The following PCDHGA6 variants were observed in gnomAD, a reference collection of about 807,000 sequenced individuals.
PCDHGA6 encodes protocadherin gamma subfamily A, 6.
Under a neutral mutation model 60.6 loss-of-function variants are expected in PCDHGA6, and 41 were observed. The observed-to-expected ratio is 0.68, with a 90% confidence interval of 0.53 to 0.88. PCDHGA6 has a LOEUF of 0.88. PCDHGA6 is among the 40% of genes least tolerant of loss of function. The pLI is 0.00. For synonymous variants in PCDHGA6, 594 were observed against 524.4 expected (o/e 1.13, Z -1.81); for missense variants, 1,312 against 1,203.0 (o/e 1.09, Z -1.34).
At chr5:141,458,787 C>A (rs968490647) in intron 1 of PCDHGA6, among the ~76,000 whole-genome samples, 1 of 152,004 alleles carries the variant, frequency 6.6e-6, no homozygotes, top group African/African-American at 2.4e-5. Flanking sequence ...GGCTGGAGTG[C>A]AGTGGTGTGA....
chr5:141,427,930 T>C, intron 1 of PCDHGA6: 2 of 1,583,398 alleles, frequency 1.3e-6, no homozygotes. Flanking sequence ...CGGCGCATGT[T>C]GGTGGGCGAC....
At chr5:141,509,573 C>G (rs372901649) in intron 3 of PCDHGA6, among the ~76,000 whole-genome samples, 4 of 152,164 alleles carry the variant, frequency 2.6e-5, no homozygotes, top group Admixed American at 2.6e-4. Context: ...CTTCACAGTG[C>G]GTACAAATCA....
At chr5:141,450,770 AG>A (rs1354382498) in intron 1 of PCDHGA6, among the ~76,000 whole-genome samples, 1 of 151,448 alleles carries the variant, frequency 6.6e-6, no homozygotes, top group Non-Finnish European at 1.5e-5. Context: ...TACAGGCATG[AG>A]CCACCGTGCC....
chr5:141,410,518 C>T (rs753664223), intron 1 of PCDHGA6: 1 of 1,613,820 alleles, frequency 6.2e-7, no homozygotes, highest in Non-Finnish European at 8.5e-7. Flanking sequence ...GCAGTGTGCC[C>T]CTACATTCCA....
intron 1 of PCDHGA6, chr5:141,414,054 G>A: frequency 6.2e-7 from 1 of 1,610,250 alleles, no homozygotes; most frequent in Non-Finnish European, 8.5e-7. Flanking sequence ...ACACGCAATT[G>A]TTGAAGTTCC....
At chr5:141,409,872 A>T in intron 1 of PCDHGA6, 1 of 1,612,828 alleles carries the variant, frequency 6.2e-7, no homozygotes. Context: ...GACCGCAATG[A>T]CAACGCACCG....
chr5:141,399,241 T>C, intron 1 of PCDHGA6: 3 of 1,613,950 alleles, frequency 1.9e-6, no homozygotes, highest in South Asian at 1.1e-5. Flanking sequence ...TGACCAAGAT[T>C]CTGGGGAAAA....
chr5:141,414,854 A>C (rs1191943867), intron 1 of PCDHGA6: 3 of 1,614,230 alleles, frequency 1.9e-6, no homozygotes, highest in Non-Finnish European at 2.5e-6. Context: ...CTGGACCAGA[A>C]CGACAATGCG....
In PCDHGA6 at chr5:141,489,750, C is replaced by T. The variant is rs753217170; in HGVS notation, c.2425-5057C>T. On this transcript the variant is annotated intron_variant, in intron 1 of 3. Coordinates refer to ENST00000517434, the MANE Select transcript of PCDHGA6 (RefSeq NM_018919.3). The surrounding 1 kb of genome is among the most constrained non-coding windows in gnomAD (Gnocchi z 4.5). ...TGGGCACCAATACTGTGAGCTTTTA[C>T]ACTCTAAGCCCCAACAGCCACTTCT... 1.2e-6 allele frequency: 2 copies of T among 1,614,098 alleles called. No homozygotes were observed. Among genetic ancestry groups the T allele is most frequent in the Admixed American group, 3.3e-5 (2 of 60,022 alleles).
Position 141,476,013 on chromosome 5 carries a change from G to A in PCDHGA6, c.2425-18794G>A. ...AAATCAACGGCATCCAGAAAGCCAT[G>A]TCGGACTCGGCGCCCAGCGCCCAAG... On this transcript the variant is annotated intron_variant, in intron 1 of 3. Coordinates refer to ENST00000517434, the MANE Select transcript of PCDHGA6 (RefSeq NM_018919.3). The surrounding 1 kb of genome is among the most constrained non-coding windows in gnomAD (Gnocchi z 7.6). The A allele has an allele frequency of 7.5e-7, 1 of 1,334,720 alleles. No individual in the cohort carries two copies. The highest frequency in any genetic ancestry group is 1.0e-6 in the Non-Finnish European group (1 of 983,502). 82.7% of individuals were successfully genotyped at this position (1,334,720 alleles called of 1,614,324 possible). A position where few individuals can be genotyped will look rare whatever the true frequency, so the allele number is the denominator to read the frequency against.
chr5:141,397,039 A>G (rs2093467837), intron 1 of PCDHGA6, among the ~76,000 whole-genome samples: 1 of 152,236 alleles, frequency 6.6e-6, no homozygotes, highest in Non-Finnish European at 1.5e-5. Context: ...CCACAAATTT[A>G]TGTAAATGAA....
chr5:141,423,260 G>A (rs1402237346), intron 1 of PCDHGA6: 2 of 1,613,996 alleles, frequency 1.2e-6, no homozygotes, highest in South Asian at 1.1e-5. Flanking sequence ...GACCTCGGCA[G>A]CCTCGAGTCT....
At chr5:141,461,501 T>G (rs113852528) in intron 1 of PCDHGA6, among the ~76,000 whole-genome samples, 1 of 152,310 alleles carries the variant, frequency 6.6e-6, no homozygotes, top group South Asian at 2.1e-4. Flanking sequence ...TTATTTTTCT[T>G]GGTGATTTGT....
chr5:141,393,071 C>G (rs927273885), intron 1 of PCDHGA6: 1 of 1,613,680 alleles, frequency 6.2e-7, no homozygotes, highest in Non-Finnish European at 8.5e-7. Context: ...GCTTGATCAC[C>G]GCGGGCAGGA....
At chr5:141,395,437 G>T in intron 1 of PCDHGA6, 1 of 668,370 alleles carries the variant, frequency 1.5e-6, no homozygotes, top group Non-Finnish European at 2.4e-6. Context: ...TAAACGACTT[G>T]GAAAAGATTG....
intron 1 of PCDHGA6, chr5:141,383,701 G>A (rs761689266): frequency 2.5e-6 from 4 of 1,613,810 alleles, no homozygotes; most frequent in South Asian, 1.1e-5. Flanking sequence ...ACATGCTATC[G>A]ACCTGGACGA....
At chr5:141,428,600 C>T (rs2097150405) in intron 1 of PCDHGA6, 1 of 223,920 alleles carries the variant, frequency 4.5e-6, no homozygotes, top group African/African-American at 2.3e-5. Flanking sequence ...GCAAGCTTCA[C>T]TGAAGAGAAT....
At chr5:141,478,051 G>A (rs751371411) in intron 1 of PCDHGA6, 2 of 1,614,088 alleles carry the variant, frequency 1.2e-6, no homozygotes, top group East Asian at 2.2e-5. Context: ...AGACTCTCAC[G>A]GTCTTGATCA....
intron 1 of PCDHGA6, chr5:141,410,274 A>G: frequency 4.3e-6 from 7 of 1,613,948 alleles, no homozygotes; most frequent in Non-Finnish European, 5.9e-6. Context: ...CTGCAGTTTT[A>G]CCTGGTGGTG....
Sources: gnomAD v4.1 joint callset for allele counts (sites outside exome capture counted in the v4.1 genomes callset) on GRCh38, gnomAD v4.1.1 for gene constraint, Gnocchi (gnomAD v3.1) non-coding constraint, MANE v1.5 for transcripts, NCBI Gene and HGNC (gene_info 2026-07-23, HGNC 2026-07-21) for gene names.